Variants in AMOTL1 observed in about 807,000 individuals in gnomAD.
AMOTL1 encodes the protein angiomotin-like protein 1.
Under a neutral mutation model 102.9 loss-of-function variants are expected in AMOTL1, and 45 were observed. That is an observed-to-expected ratio of 0.44 (90% CI 0.34 to 0.56). The LOEUF is 0.56. Ranked by LOEUF, AMOTL1 falls within the 20% of genes least tolerant of loss-of-function variation. The pLI is 0.01. For synonymous variants in AMOTL1, 481 were observed against 484.7 expected, an observed-to-expected ratio of 0.99 and a Z score of 0.10; for missense variants, 1,114 against 1,225.6, an observed-to-expected ratio of 0.91 and a Z score of 1.36.
intron 1 of AMOTL1, among the ~76,000 whole-genome samples, chr11:94,790,667 A>G (rs57830941): frequency 0.03 from 4,632 of 152,284 alleles, 184 homozygotes; most frequent in African/African-American, 0.093. Flanking sequence ...CCCTGAAGTT[A>G]TAGTCCAAAT....
At chr11:94,712,839 A>G (rs1367835368) in intron 1 of AMOTL1, among the ~76,000 whole-genome samples, 1 of 152,060 alleles carries the variant, frequency 6.6e-6, no homozygotes, top group Non-Finnish European at 1.5e-5. Context: ...TTTAATTTTC[A>G]TAAAGTCCAG....
intron 3 of AMOTL1, among the ~76,000 whole-genome samples, chr11:94,762,733 C>T (rs912866417): frequency 2.6e-5 from 4 of 152,132 alleles, no homozygotes; most frequent in African/African-American, 9.7e-5. Context: ...TCTTCCTTAC[C>T]CCATTTGGTA....
chr11:94,756,249 A>G, intron 3 of AMOTL1, among the ~76,000 whole-genome samples: 1 of 152,144 alleles, frequency 6.6e-6, no homozygotes, highest in African/African-American at 2.4e-5. Flanking sequence ...GGCAGGCCAA[A>G]AGCAGCTTTT....
intron 8 of AMOTL1, 131 bp from the exon 9 acceptor site, chr11:94,859,394 A>C (rs113978362): frequency 2.3e-6 from 2 of 853,372 alleles, no homozygotes; most frequent in Non-Finnish European, 3.4e-6. Context: ...CAACAGAGGA[A>C]TTTGGAGGTG....
intron 1 of AMOTL1, among the ~76,000 whole-genome samples, chr11:94,724,211 C>G (rs1345633356): frequency 6.6e-6 from 1 of 152,086 alleles, no homozygotes; most frequent in Non-Finnish European, 1.5e-5. Flanking sequence ...ATGGACTATT[C>G]CTTCTGATTC....
chr11:94,785,179 TC>T (rs2135539160), intron 1 of AMOTL1, among the ~76,000 whole-genome samples: 1 of 152,272 alleles, frequency 6.6e-6, no homozygotes, highest in Admixed American at 6.5e-5. Context: ...CCAGGACCTT[TC>T]CCCTTTATCC....
chr11:94,733,720 C>A (rs1200865115), intron 2 of AMOTL1, among the ~76,000 whole-genome samples: 2 of 152,228 alleles, frequency 1.3e-5, no homozygotes, highest in Non-Finnish European at 2.9e-5. Context: ...TCATAGATTT[C>A]AATTGCAGCA....
upstream of AMOTL1, among the ~76,000 whole-genome samples, chr11:94,765,109 T>C (rs2851572): frequency 0.86 from 130,511 of 152,098 alleles, 57,659 homozygotes; most frequent in Non-Finnish European, 0.99. Context: ...AGTGAAAGAC[T>C]GCTCTCTGGG....
intron 1 of AMOTL1, among the ~76,000 whole-genome samples, chr11:94,782,462 A>C (rs532337572): frequency 3.3e-5 from 5 of 152,222 alleles, no homozygotes; most frequent in Non-Finnish European, 7.3e-5. Flanking sequence ...AATGTATGGA[A>C]GATCTCTATA....
chr11:94,828,975 TTACATAACAA>T (rs546216617), intron 4 of AMOTL1, among the ~76,000 whole-genome samples: 55 of 152,294 alleles, frequency 3.6e-4, no homozygotes, highest in African/African-American at 1.3e-3. Flanking sequence ...TGCATTTATG[TTACATAACAA>T]TACAATGGGA....
rs578262821 is a variant in AMOTL1 at position 94,750,374 on chromosome 11, C to A, written c.136+9386C>A. On this transcript the variant is annotated intron_variant, in intron 3 of 4. Coordinates refer to the AMOTL1 transcript ENST00000299004. ...TTGCTGCTGCTGCCCCTACTCACAC[C>A]AGAACTTGGAGGCTTGGCCTTTGCT... 1.9e-4 allele frequency among the ~76,000 whole-genome samples: 29 copies of A among 152,304 alleles called. No homozygotes were observed. In the South Asian group the frequency reaches 5.2e-3, roughly 27 times the overall value.
intron 2 of AMOTL1, among the ~76,000 whole-genome samples, chr11:94,731,256 G>A (rs1180231800): frequency 6.6e-6 from 1 of 152,198 alleles, no homozygotes; most frequent in Non-Finnish European, 1.5e-5. Context: ...TCTATATCCT[G>A]CAAATATGAA....
At chr11:94,868,970 CAAA>C (rs1442699838) in intron 11 of AMOTL1, among the ~76,000 whole-genome samples, 1 of 148,366 alleles carries the variant, frequency 6.7e-6, no homozygotes, top group Non-Finnish European at 1.5e-5. Flanking sequence ...AAAAAACACA[CAAA>C]AAAAACCTAC....
chr11:94,756,312 C>T (rs890356445), intron 3 of AMOTL1, among the ~76,000 whole-genome samples: 1 of 152,150 alleles, frequency 6.6e-6, no homozygotes, highest in African/African-American at 2.4e-5. Flanking sequence ...GGCACAGGCC[C>T]GAGGATGGAG....
chr11:94,771,059 G>A (rs866680590), intron 1 of AMOTL1, among the ~76,000 whole-genome samples: 1 of 152,082 alleles, frequency 6.6e-6, no homozygotes, highest in East Asian at 1.9e-4. Context: ...TTGTGAAAAT[G>A]CTTTGAAAAT....
intron 3 of AMOTL1, among the ~76,000 whole-genome samples, chr11:94,762,988 G>A (rs1169103739): frequency 1.3e-5 from 2 of 152,204 alleles, no homozygotes; most frequent in African/African-American, 4.8e-5. Flanking sequence ...CTGGTCCTCA[G>A]TAGGTACTTA....
chr11:94,723,958 C>T (rs1450999484), intron 1 of AMOTL1, among the ~76,000 whole-genome samples: 1 of 152,112 alleles, frequency 6.6e-6, no homozygotes, highest in East Asian at 1.9e-4. Flanking sequence ...GAACCAAACC[C>T]TTGGAGCAGC....
rs114646567 is a variant in AMOTL1, at chr11:94,839,185, A to G, written c.1648+7644A>G. ...TGGTTACAAGTGTATCCTCAGGTGG[A>G]GTTGCAGGTTTGCTCCCCAGTTTCC... On this transcript the variant is annotated intron_variant, in intron 6 of 12. Transcript: ENST00000433060. Among the ~76,000 whole-genome samples, 1,300 of 152,290 alleles carry G rather than the reference A, an allele frequency of 8.5e-3. 17 individuals are homozygous for G. Among genetic ancestry groups the G allele is most frequent in the African/African-American group, 0.03 (1,231 of 41,560 alleles).
intron 3 of AMOTL1, among the ~76,000 whole-genome samples, chr11:94,811,065 T>C (rs1402655530): frequency 1.3e-5 from 2 of 152,006 alleles, no homozygotes; most frequent in East Asian, 1.9e-4. Flanking sequence ...TGACAAAAAA[T>C]TGGGGGCAGA....
Sources: gnomAD v4.1 joint callset for allele counts (sites outside exome capture counted in the v4.1 genomes callset) on GRCh38, gnomAD v4.1.1 for gene constraint, MANE v1.5 for transcripts, NCBI Gene and HGNC (gene_info 2026-07-23, HGNC 2026-07-21) for gene names.